Variants in BLTP3B observed in about 807,000 individuals in gnomAD.
BLTP3B encodes bridge-like lipid transfer protein family member 3B, also known as UHRF1 (ICBP90) binding protein 1-like.
the BLTP3B span, among the ~76,000 whole-genome samples, chr12:100,141,577 G>C: frequency 3.3e-5 from 5 of 152,134 alleles, no homozygotes; most frequent in East Asian, 9.6e-4. Context: ...TATAACCTGT[G>C]GTATAAGACA....
the BLTP3B span, among the ~76,000 whole-genome samples, chr12:100,135,282 T>C: frequency 1.1e-5 from 1 of 88,508 alleles, no homozygotes; most frequent in African/African-American, 1.0e-4. Flanking sequence ...TCTTTCTTTC[T>C]TTTTTTTTTG....
chr12:100,110,902 A>G, the BLTP3B span, among the ~76,000 whole-genome samples: 1 of 152,210 alleles, frequency 6.6e-6, no homozygotes, highest in Non-Finnish European at 1.5e-5. Flanking sequence ...ATTTGACTAT[A>G]TATTCTAACA....
At chr12:100,054,944 T>C in the BLTP3B span, among the ~76,000 whole-genome samples, 1 of 152,166 alleles carries the variant, frequency 6.6e-6, no homozygotes, top group Admixed American at 6.5e-5. Flanking sequence ...CATATGATGG[T>C]CTTAAGGATT....
At chr12:100,059,725 C>G in the BLTP3B span, 1 of 1,168,164 alleles carries the variant, frequency 8.6e-7, no homozygotes, top group Non-Finnish European at 1.2e-6. Context: ...TACATGACCA[C>G]TAAGAAGAGA....
the BLTP3B span, among the ~76,000 whole-genome samples, chr12:100,042,697 A>G: frequency 6.6e-6 from 1 of 152,224 alleles, no homozygotes; most frequent in Non-Finnish European, 1.5e-5. Flanking sequence ...CCAACCTTCA[A>G]CAACCATGGC....
At chr12:100,058,121 C>G in the BLTP3B span, 1 of 1,613,038 alleles carries the variant, frequency 6.2e-7, no homozygotes, top group Non-Finnish European at 8.5e-7. Flanking sequence ...CTTCTGGAAG[C>G]AAATCTTCAG....
At chr12:100,039,674 A>C in the BLTP3B span, 1 of 1,614,134 alleles carries the variant, frequency 6.2e-7, no homozygotes, top group East Asian at 2.2e-5. Context: ...GGCTTGTCTG[A>C]GTGGCTTGCG....
At chr12:100,100,761 T>C in the BLTP3B span, among the ~76,000 whole-genome samples, 1 of 151,616 alleles carries the variant, frequency 6.6e-6, no homozygotes, top group Non-Finnish European at 1.5e-5. Context: ...CACCACTCAA[T>C]GAATGTATTC....
the BLTP3B span, among the ~76,000 whole-genome samples, chr12:100,099,942 G>A: frequency 6.8e-6 from 1 of 147,352 alleles, no homozygotes; most frequent in African/African-American, 2.5e-5. Flanking sequence ...AAAAAAACAG[G>A]AAAACAAACC....
chr12:100,107,331 T>C, the BLTP3B span, among the ~76,000 whole-genome samples: 1 of 116,946 alleles, frequency 8.6e-6, no homozygotes, highest in African/African-American at 4.6e-5. Context: ...GAATAATAAG[T>C]TATAATAATA....
At chr12:100,141,317 T>A in the BLTP3B span, among the ~76,000 whole-genome samples, 1 of 151,712 alleles carries the variant, frequency 6.6e-6, no homozygotes, top group Non-Finnish European at 1.5e-5. Flanking sequence ...CAGTCTCTAC[T>A]AAAAAAATAC....
At chr12:100,086,951 G>A in the BLTP3B span, among the ~76,000 whole-genome samples, 2 of 152,086 alleles carry the variant, frequency 1.3e-5, no homozygotes, top group African/African-American at 4.8e-5. Flanking sequence ...ACGAGGTCAG[G>A]AGTTCGAGAC....
chr12:100,086,841 C>T, the BLTP3B span, among the ~76,000 whole-genome samples: 2 of 152,282 alleles, frequency 1.3e-5, no homozygotes, highest in Admixed American at 6.5e-5. Flanking sequence ...TTGAACACTA[C>T]ACCATATCAT....
the BLTP3B span, among the ~76,000 whole-genome samples, chr12:100,120,135 G>C: frequency 6.6e-6 from 1 of 152,162 alleles, no homozygotes; most frequent in Non-Finnish European, 1.5e-5. Flanking sequence ...CCAGCACTTC[G>C]GGAGGCCTAG....
chr12:100,044,303 G>C, the BLTP3B span, among the ~76,000 whole-genome samples: 1 of 152,076 alleles, frequency 6.6e-6, no homozygotes, highest in Non-Finnish European at 1.5e-5. Context: ...TCTTTAGAAG[G>C]CTCCCACTAA....
At chr12:100,085,795 A>C in the BLTP3B span, among the ~76,000 whole-genome samples, 1 of 152,226 alleles carries the variant, frequency 6.6e-6, no homozygotes, top group East Asian at 1.9e-4. Flanking sequence ...AGAATCTACC[A>C]ATACCAGATT....
chr12:100,054,611 T>G, the BLTP3B span, among the ~76,000 whole-genome samples: 1 of 152,176 alleles, frequency 6.6e-6, no homozygotes, highest in South Asian at 2.1e-4. Flanking sequence ...ACGGGGGAAC[T>G]AGAGTTATCT....
At chr12:100,103,900 T>A in the BLTP3B span, 1 of 1,596,864 alleles carries the variant, frequency 6.3e-7, no homozygotes, top group Non-Finnish European at 8.5e-7. Flanking sequence ...TCTAAAGTGG[T>A]TTCAGAACTC....
chr12:100,048,728 AGG>A, the BLTP3B span, among the ~76,000 whole-genome samples: 1 of 100,490 alleles, frequency 1.0e-5, no homozygotes, highest in Admixed American at 9.6e-5. Flanking sequence ...AATTATAGTA[AGG>A]GGGGGGAGAG....
Sources: allele counts gnomAD v4.1 joint callset (sites outside exome capture counted in the v4.1 genomes callset), GRCh38; gene constraint gnomAD v4.1.1; transcripts MANE v1.5; gene names NCBI Gene and HGNC (gene_info 2026-07-23, HGNC 2026-07-21).